Variants in MAPRE2 observed in about 807,000 individuals in gnomAD.
MAPRE2 encodes the protein microtubule associated protein RP/EB family member 2, also known as microtubule-associated protein RP/EB family member 2.
MAPRE2 carries 13 observed loss-of-function variants against 43.2 expected under a neutral mutation model. The observed-to-expected ratio is 0.30, with a 90% confidence interval of 0.20 to 0.48. The LOEUF (loss-of-function observed/expected upper bound fraction) is 0.48. Among genes scored for constraint, MAPRE2 ranks in the 20% least tolerant of loss-of-function variants. MAPRE2 has a pLI of 0.99. For synonymous variants in MAPRE2, 135 were observed against 148.8 expected, an observed-to-expected ratio of 0.91 and a Z score of 0.68; for missense variants, 161 against 400.2, an observed-to-expected ratio of 0.40 and a Z score of 5.10.
At chr18:35,075,245 C>T (rs139930003) in intron 2 of MAPRE2, among the ~76,000 whole-genome samples, 101 of 152,330 alleles carry the variant, frequency 6.6e-4, no homozygotes, top group Middle Eastern at 6.8e-3. Context: ...GGTGCAGGTG[C>T]TCCGGGCCCC....
chr18:35,104,471 G>C (rs1908815824), intron 4 of MAPRE2, among the ~76,000 whole-genome samples: 1 of 152,038 alleles, frequency 6.6e-6, no homozygotes, highest in Non-Finnish European at 1.5e-5. Flanking sequence ...TTTAGGATAA[G>C]GCAATGTAAG....
intron 2 of MAPRE2, among the ~76,000 whole-genome samples, chr18:35,030,437 A>T (rs1386570533): frequency 6.6e-6 from 1 of 152,226 alleles, no homozygotes; most frequent in African/African-American, 2.4e-5. Context: ...AGGGAAAAAG[A>T]ATGACATGTT....
intron 2 of MAPRE2, among the ~76,000 whole-genome samples, chr18:35,083,400 G>A (rs1483717922): frequency 6.6e-6 from 1 of 152,114 alleles, no homozygotes; most frequent in African/African-American, 2.4e-5. Flanking sequence ...TGTAACTTTC[G>A]AACTTGTTTT....
chr18:34,998,217 C>T (rs2097027472), intron 1 of MAPRE2, among the ~76,000 whole-genome samples: 1 of 152,118 alleles, frequency 6.6e-6, no homozygotes, highest in Non-Finnish European at 1.5e-5. Context: ...TGTCAGCATC[C>T]TGGGGTCTTC....
upstream of MAPRE2, among the ~76,000 whole-genome samples, chr18:35,040,801 A>C (rs930670155): frequency 6.6e-6 from 1 of 152,212 alleles, no homozygotes; most frequent in Non-Finnish European, 1.5e-5. Context: ...TGATCTCTTA[A>C]TTTGCCATCT....
In MAPRE2 at chr18:34,999,139, C is replaced by T. The variant is rs574386557; in HGVS notation, c.-69-6353C>T. Among the ~76,000 whole-genome samples, 18 of 152,194 alleles carry T rather than the reference C, an allele frequency of 1.2e-4. No individual in the cohort carries two copies. In the East Asian group the frequency reaches 3.5e-3, roughly 29 times the overall value. ...CTTTGACACGTAACATGCATTCTGC[C>T]ACGTAACATGCATTCTCCCACATTT... On this transcript the variant is annotated intron_variant, in intron 1 of 7. Coordinates refer to the MAPRE2 transcript ENST00000413393.
chr18:35,064,805 C>A (rs1028660687), intron 1 of MAPRE2, among the ~76,000 whole-genome samples: 4 of 152,170 alleles, frequency 2.6e-5, no homozygotes, highest in Admixed American at 2.0e-4. Flanking sequence ...CCAACACCAC[C>A]GCCAAATACT....
chr18:35,059,789 C>T (rs539776155), intron 1 of MAPRE2, among the ~76,000 whole-genome samples: 15 of 152,236 alleles, frequency 9.9e-5, no homozygotes, highest in Admixed American at 7.8e-4. Flanking sequence ...AGCTGCTCTT[C>T]CGTGGCATGA....
chr18:34,984,865 ATAATATATTTTATGTTATAT>A, intron 1 of MAPRE2, among the ~76,000 whole-genome samples: 1 of 88,390 alleles, frequency 1.1e-5, no homozygotes, highest in African/African-American at 4.2e-5. Context: ...TATAAAATAT[ATAATATATTTTATGTTATAT>A]AATATATAAT....
At chr18:35,081,191 TC>T (rs1401387252) in intron 2 of MAPRE2, among the ~76,000 whole-genome samples, 8 of 152,204 alleles carry the variant, frequency 5.3e-5, no homozygotes, top group African/African-American at 1.7e-4. Context: ...CTCACAGAAA[TC>T]TTTTCCTGCT....
At chr18:34,977,978 T>A (rs1178779335) in intron 1 of MAPRE2, among the ~76,000 whole-genome samples, 1 of 152,170 alleles carries the variant, frequency 6.6e-6, no homozygotes, top group Non-Finnish European at 1.5e-5. Flanking sequence ...CTCCAGTGAC[T>A]TCGTCAATAC....
exon 2 of MAPRE2, chr18:35,005,532 G>A (rs2097031460): frequency 6.5e-7 from 1 of 1,543,612 alleles, no homozygotes; most frequent in Non-Finnish European, 8.8e-7. Context: ...CAACAGCCAG[G>A]GAGAAAGCCT....
chr18:35,115,971 T>C (rs533824694), intron 4 of MAPRE2, among the ~76,000 whole-genome samples: 6 of 152,244 alleles, frequency 3.9e-5, no homozygotes, highest in Non-Finnish European at 8.8e-5. Context: ...ATTTAGTTTG[T>C]CAACAAATGT....
intron 2 of MAPRE2, chr18:35,005,701 A>G (rs1657863693): frequency 4.3e-6 from 2 of 462,698 alleles, no homozygotes; most frequent in African/African-American, 4.0e-5. Context: ...CTTTTAAAAC[A>G]CTATTTTTCA....
rs949340971 is a variant in MAPRE2, at chr18:35,141,834, A to G, written c.*1465A>G. On this transcript the variant is annotated 3_prime_UTR_variant, in exon 7 of 7. Transcript: ENST00000300249. Reference sequence around the variant, plus strand: ...TTTCCGCTTAACTGAAAAGCTTAAAATAAATTTCTGAATTATGTATCCTGA... The same window carrying G: ...TTTCCGCTTAACTGAAAAGCTTAAAGTAAATTTCTGAATTATGTATCCTGA... 2.0e-5 allele frequency: 3 copies of G among 152,222 alleles called. No homozygotes were observed. Among genetic ancestry groups the G allele is most frequent in the Admixed American group, 2.0e-4 (3 of 15,282 alleles). 9.4% of individuals were successfully genotyped at this position (152,222 alleles called of 1,614,324 possible).
At chr18:35,013,934 T>G (rs1367094578) in intron 2 of MAPRE2, among the ~76,000 whole-genome samples, 2 of 152,154 alleles carry the variant, frequency 1.3e-5, no homozygotes, top group Non-Finnish European at 2.9e-5. Flanking sequence ...CCTAGTTTGA[T>G]TTAATATCTT....
At position 35,140,350 on chromosome 18, in the gene MAPRE2, C is replaced by T. The variant is rs781038745; in HGVS notation, c.965C>T (p.Pro322Leu). ...AEEQAHEQQP[P>L]QQEEY ...GAGCAAGCCCACGAACAGCAGCCCC[C>T]GCAGCAGGAAGAGTACTGACCCACC... The change falls in exon 7 of 7, where the codon CCG becomes CTG. Residue 322 changes from proline (P) to leucine (L), a missense_variant. Pro to Leu is a moderately conservative substitution (Grantham distance 98, BLOSUM62 -3). Coordinates refer to ENST00000300249, the MANE Select transcript of MAPRE2 (RefSeq NM_014268.4). 27 of 1,613,258 alleles carry T rather than the reference C, an allele frequency of 1.7e-5. No homozygotes were observed. Among genetic ancestry groups the T allele is most frequent in the African/African-American group, 4.0e-5 (3 of 74,910 alleles).
At chr18:35,052,997 T>A (rs541820943) in intron 1 of MAPRE2, among the ~76,000 whole-genome samples, 49 of 124,440 alleles carry the variant, frequency 3.9e-4, no homozygotes, top group African/African-American at 1.3e-3. Context: ...AACTTGAATA[T>A]AAAGTCCCCC....
At chr18:34,996,064 A>C (rs2097026357) in intron 1 of MAPRE2, among the ~76,000 whole-genome samples, 2 of 152,184 alleles carry the variant, frequency 1.3e-5, no homozygotes, top group Non-Finnish European at 2.9e-5. Flanking sequence ...GTTTTCCTCT[A>C]ATTTTCAGAA....
Sources: gnomAD v4.1 joint callset for allele counts (sites outside exome capture counted in the v4.1 genomes callset) on GRCh38, gnomAD v4.1.1 for gene constraint, MANE v1.5 for transcripts, NCBI Gene and HGNC (gene_info 2026-07-23, HGNC 2026-07-21) for gene names.